Variants in MIB1 observed in about 807,000 individuals in gnomAD.
The protein encoded by MIB1 is MIB E3 ubiquitin protein ligase 1.
Under a neutral mutation model 124.5 loss-of-function variants are expected in MIB1, and 278 were observed. The ratio of observed to expected loss-of-function variants is 2.23; its 90% CI spans 2.02 to 2.47. The LOEUF (loss-of-function observed/expected upper bound fraction) is 2.47. Ranked by LOEUF, MIB1 falls within the 30% of genes most tolerant of loss-of-function variation. The pLI, the probability that MIB1 is intolerant of heterozygous loss-of-function variation, is 0.00. For missense variants in MIB1, 957 were observed against 1,254.4 expected (o/e 0.76, Z 3.58); for synonymous variants, 446 against 429.4 (o/e 1.04, Z -0.48).
At chr18:21,838,305 C>G in intron 12 of MIB1, 60 bp from the exon 13 acceptor site, 1 of 1,245,706 alleles carries the variant, frequency 8.0e-7, no homozygotes, top group Admixed American at 2.6e-5. Flanking sequence ...TGATTGCAAA[C>G]TTTTCTTTTG....
chr18:21,849,310 T>TA lies in MIB1; in HGVS notation c.2509dup (p.Ile837AsnfsTer18). The TA allele has an allele frequency of 6.2e-7, 1 of 1,613,392 alleles. No individual in the cohort carries two copies. Among genetic ancestry groups the TA allele is most frequent in the Non-Finnish European group, 8.5e-7 (1 of 1,179,556 alleles). ...ATACTCTTTTTGGTCCATGTGGACATATTGCTACCTGTTCTTTATGTTCTC... is the reference window on the plus strand; with the variant it reads ...ATACTCTTTTTGGTCCATGTGGACATAATTGCTACCTGTTCTTTATGTTCTC... On this transcript the variant is annotated frameshift_variant, in exon 17 of 21. Coordinates refer to ENST00000261537, the MANE Select transcript of MIB1 (RefSeq NM_020774.4). LOFTEE classifies it high-confidence loss of function.
At position 21,856,675 on chromosome 18, in the gene MIB1, T is replaced by C. The variant is rs34077240; in HGVS notation, c.2666-455T>C. Among the ~76,000 whole-genome samples, 224 of 152,320 alleles carry C rather than the reference T, an allele frequency of 1.5e-3. 1 individual carries two copies. The highest frequency in any genetic ancestry group is 5.1e-3 in the African/African-American group (213 of 41,570). On this transcript the variant is annotated intron_variant, in intron 18 of 20. Transcript: ENST00000261537. ...CAAACCACCATGGCACACTTGTACC[T>C]ATGTAACAAACCTGCACGTTCCGCA...
At chr18:21,799,564 C>A (rs1005921167) in intron 8 of MIB1, among the ~76,000 whole-genome samples, 2 of 151,904 alleles carry the variant, frequency 1.3e-5, no homozygotes, top group African/African-American at 4.8e-5. Context: ...CTTATGATGA[C>A]TTTTAAATCT....
chr18:21,751,067 G>A (rs528410273), intron 1 of MIB1, among the ~76,000 whole-genome samples: 21 of 152,012 alleles, frequency 1.4e-4, no homozygotes, highest in African/African-American at 4.3e-4. Flanking sequence ...CCATGGTGGT[G>A]TGTGCCTGTA....
chr18:21,783,397 C>T (rs1598608621), intron 6 of MIB1, among the ~76,000 whole-genome samples: 1 of 152,006 alleles, frequency 6.6e-6, no homozygotes, highest in East Asian at 1.9e-4. Context: ...TGCCCTCCAC[C>T]AAGCCCAGCT....
intron 10 of MIB1, among the ~76,000 whole-genome samples, chr18:21,804,580 C>G (rs556074765): frequency 2.3e-4 from 35 of 152,306 alleles, no homozygotes; most frequent in African/African-American, 8.4e-4. Flanking sequence ...GGGGATCTCT[C>G]TGTATCTCTA....
chr18:21,801,283 C>CTT (rs1419409641), intron 9 of MIB1, among the ~76,000 whole-genome samples: 1 of 152,026 alleles, frequency 6.6e-6, no homozygotes, highest in Non-Finnish European at 1.5e-5. Context: ...GAGGATTTAG[C>CTT]TTTATTTCAC....
At chr18:21,766,478 G>C (rs2041160634) in intron 2 of MIB1, among the ~76,000 whole-genome samples, 1 of 152,196 alleles carries the variant, frequency 6.6e-6, no homozygotes, top group Non-Finnish European at 1.5e-5. Flanking sequence ...TGTCTTAGGA[G>C]CAAGGAGAGA....
chr18:21,756,523 G>A (rs1356662588), intron 1 of MIB1, among the ~76,000 whole-genome samples: 2 of 151,996 alleles, frequency 1.3e-5, no homozygotes, highest in Non-Finnish European at 2.9e-5. Flanking sequence ...GGAGTGCGGT[G>A]GTGCAATCCT....
intron 6 of MIB1, among the ~76,000 whole-genome samples, chr18:21,782,183 C>T (rs528648211): frequency 2.0e-5 from 3 of 152,156 alleles, no homozygotes; most frequent in Admixed American, 1.3e-4. Flanking sequence ...AGTGCAATGG[C>T]GCGATCTCAG....
At chr18:21,731,970 A>T (rs1001307853) in intron 1 of MIB1, among the ~76,000 whole-genome samples, 5 of 151,890 alleles carry the variant, frequency 3.3e-5, no homozygotes, top group Non-Finnish European at 7.4e-5. Context: ...AACCATATTG[A>T]TAATAGTCTT....
chr18:21,786,470 A>T (rs373426404), intron 6 of MIB1, among the ~76,000 whole-genome samples: 1 of 151,942 alleles, frequency 6.6e-6, no homozygotes, highest in South Asian at 2.1e-4. Flanking sequence ...TTATTTTTTT[A>T]TAGTTTTTGC....
At chr18:21,822,501 T>C (rs1032200385) in intron 12 of MIB1, among the ~76,000 whole-genome samples, 3 of 152,212 alleles carry the variant, frequency 2.0e-5, no homozygotes, top group African/African-American at 7.2e-5. Flanking sequence ...AAAGTAGTGC[T>C]TCAGTTAAAG....
At chr18:21,706,596 G>A (rs924992850) in intron 1 of MIB1, among the ~76,000 whole-genome samples, 4 of 152,064 alleles carry the variant, frequency 2.6e-5, no homozygotes, top group Non-Finnish European at 5.9e-5. Flanking sequence ...TGGGCTCGGC[G>A]GGCCCTGCAC....
chr18:21,781,389 A>G (rs1204948929), intron 6 of MIB1, among the ~76,000 whole-genome samples: 4 of 68,228 alleles, frequency 5.9e-5, no homozygotes, highest in East Asian at 7.7e-4. Context: ...ATATATATAT[A>G]TATATATATA....
chr18:21,748,881 C>T (rs2040942907), intron 1 of MIB1, among the ~76,000 whole-genome samples: 1 of 151,790 alleles, frequency 6.6e-6, no homozygotes, highest in African/African-American at 2.4e-5. Flanking sequence ...TATAGGTGCA[C>T]ACCACCAAGC....
At chr18:21,808,540 A>G (rs1323850351) in intron 10 of MIB1, among the ~76,000 whole-genome samples, 2 of 152,198 alleles carry the variant, frequency 1.3e-5, no homozygotes, top group East Asian at 3.8e-4. Context: ...TTATCAAACA[A>G]TTATTTGGTA....
chr18:21,704,937 G>A, upstream of MIB1: 1 of 285,640 alleles, frequency 3.5e-6, no homozygotes, highest in Admixed American at 5.3e-5. Flanking sequence ...TCCAAGACCG[G>A]CCACCGGGAG....
intron 2 of MIB1, among the ~76,000 whole-genome samples, chr18:21,766,262 G>A (rs568653350): frequency 1.1e-3 from 174 of 152,310 alleles, no homozygotes; most frequent in African/African-American, 3.9e-3. Flanking sequence ...ATGCCTTCTA[G>A]TCTGTTAATT....
Sources: gnomAD v4.1 joint callset for allele counts (sites outside exome capture counted in the v4.1 genomes callset) on GRCh38, gnomAD v4.1.1 for gene constraint, MANE v1.5 for transcripts, NCBI Gene and HGNC (gene_info 2026-07-23, HGNC 2026-07-21) for gene names.